Variants in PPP2R5A observed in about 807,000 individuals in gnomAD.
PPP2R5A encodes the protein protein phosphatase 2 regulatory subunit B'alpha, also known as serine/threonine-protein phosphatase 2A 56 kDa regulatory subunit alpha isoform.
PPP2R5A carries 25 observed loss-of-function variants against 64.2 expected under a neutral mutation model. The observed-to-expected ratio is 0.39, with a 90% CI of 0.28 to 0.54. The LOEUF (loss-of-function observed/expected upper bound fraction) is 0.54. Among genes scored for constraint, PPP2R5A ranks in the 20% least tolerant of loss-of-function variants. The pLI, the probability that PPP2R5A is intolerant of heterozygous loss-of-function variation, is 0.67. For missense variants in PPP2R5A, 425 were observed against 576.3 expected (o/e 0.74, Z 2.69); for synonymous variants, 198 against 201.2 (o/e 0.98, Z 0.13).
chr1:212,330,354 A>C (rs527806516), intron 2 of PPP2R5A, among the ~76,000 whole-genome samples: 43 of 151,854 alleles, frequency 2.8e-4, no homozygotes, highest in African/African-American at 9.7e-4. Context: ...CATAGCAAGG[A>C]CCCATCTCTA....
In PPP2R5A at chr1:212,296,309, T is replaced by C. The variant is rs1463277125; in HGVS notation, c.181+10018T>C. Among the ~76,000 whole-genome samples, 9 of 152,314 alleles carry C rather than the reference T, an allele frequency of 5.9e-5. No homozygotes were observed. In the South Asian group the frequency reaches 1.9e-3, roughly 32 times the overall value. On this transcript the variant is annotated intron_variant, in intron 1 of 12. Coordinates refer to ENST00000261461, the MANE Select transcript of PPP2R5A (RefSeq NM_006243.4). ...GAGATGCCATTTAGAAACCCAGTTA[T>C]AAATATCAAATAGATCACTGCATAT...
intron 1 of PPP2R5A, chr1:212,309,043 T>C: frequency 1.3e-6 from 1 of 765,140 alleles, no homozygotes; most frequent in Non-Finnish European, 2.4e-6. Flanking sequence ...CCAGCTAGAC[T>C]CAGTTTAGAT....
At chr1:212,304,191 T>C (rs541665947) in intron 1 of PPP2R5A, among the ~76,000 whole-genome samples, 1 of 152,356 alleles carries the variant, frequency 6.6e-6, no homozygotes, top group South Asian at 2.1e-4. Context: ...ACACATTAGT[T>C]GTTTAAGAAT....
At position 212,352,185 on chromosome 1, in the gene PPP2R5A, G is replaced by A. The variant is rs540686217; in HGVS notation, c.927+2943G>A. ...ATAACAGGCGCCCGATACCACGCCC[G>A]GCTAGGTTTTTTTTTGTATTTTTAG... On this transcript the variant is annotated intron_variant, in intron 8 of 12. Coordinates refer to ENST00000261461, the MANE Select transcript of PPP2R5A (RefSeq NM_006243.4). Among the ~76,000 whole-genome samples the A allele has an allele frequency of 4.1e-4, 62 of 151,038 alleles. 3 individuals are homozygous for A. In the South Asian group the frequency reaches 0.013, roughly 31 times the overall value.
intron 1 of PPP2R5A, among the ~76,000 whole-genome samples, chr1:212,312,392 T>C (rs1659055909): frequency 6.6e-6 from 1 of 152,222 alleles, no homozygotes; most frequent in Non-Finnish European, 1.5e-5. Context: ...TTCATAGATA[T>C]TCCTGAATAG....
intron 1 of PPP2R5A, among the ~76,000 whole-genome samples, chr1:212,305,480 G>A (rs12130984): frequency 2.0e-5 from 3 of 151,992 alleles, no homozygotes; most frequent in Non-Finnish European, 4.4e-5. Context: ...GTGTGCTTGA[G>A]AATATATATT....
intron 1 of PPP2R5A, among the ~76,000 whole-genome samples, chr1:212,325,586 CT>C (rs890175611): frequency 5.3e-5 from 8 of 152,004 alleles, no homozygotes; most frequent in Non-Finnish European, 1.0e-4. Flanking sequence ...TCTTAAAACT[CT>C]TTTAGAACGC....
At chr1:212,309,177 C>T (rs1658977909) in intron 1 of PPP2R5A, 3 of 1,334,930 alleles carry the variant, frequency 2.2e-6, no homozygotes, top group South Asian at 1.2e-5. Flanking sequence ...CATAGAGCTT[C>T]TTCACAGCCT....
At chr1:212,289,358 C>T (rs1658561860) in intron 1 of PPP2R5A, among the ~76,000 whole-genome samples, 1 of 152,110 alleles carries the variant, frequency 6.6e-6, no homozygotes, top group African/African-American at 2.4e-5. Context: ...TTACAAACAT[C>T]CTATTCATTG....
At chr1:212,293,605 A>G (rs1476817236) in intron 1 of PPP2R5A, among the ~76,000 whole-genome samples, 1 of 151,936 alleles carries the variant, frequency 6.6e-6, no homozygotes, top group Non-Finnish European at 1.5e-5. Flanking sequence ...TACCTGAAGG[A>G]TTTTATTTAT....
intron 1 of PPP2R5A, among the ~76,000 whole-genome samples, chr1:212,296,013 G>A (rs148623825): frequency 6.6e-6 from 1 of 152,112 alleles, no homozygotes; most frequent in South Asian, 2.1e-4. Flanking sequence ...AATAAGCCAG[G>A]TAAGACTTTA....
At chr1:212,287,013 G>C (rs574384652) in intron 1 of PPP2R5A, among the ~76,000 whole-genome samples, 1 of 152,322 alleles carries the variant, frequency 6.6e-6, no homozygotes, top group African/African-American at 2.4e-5. Flanking sequence ...GGAGTAGGTA[G>C]TGTTGCTTTG....
chr1:212,326,718 G>A (rs1659413723), intron 1 of PPP2R5A, among the ~76,000 whole-genome samples: 1 of 152,184 alleles, frequency 6.6e-6, no homozygotes, highest in African/African-American at 2.4e-5. Context: ...CCTTCATAAA[G>A]CAGAGAGTCA....
chr1:212,356,533 G>C lies in PPP2R5A; in HGVS notation c.928-93G>C. On this transcript the variant is annotated intron_variant, in intron 8 of 12. Coordinates refer to ENST00000261461, the MANE Select transcript of PPP2R5A (RefSeq NM_006243.4). Reference sequence around the variant, plus strand: ...TATTAAGCAATATTGATTTACTTCAGAATGAGTGTTGATATAATCACAGCT... The same window carrying C: ...TATTAAGCAATATTGATTTACTTCACAATGAGTGTTGATATAATCACAGCT... 3 of 1,164,616 alleles carry C rather than the reference G, an allele frequency of 2.6e-6. No homozygotes were observed. In the South Asian group the frequency reaches 4.6e-5, roughly 18 times the overall value. 72.1% of individuals were successfully genotyped at this position (1,164,616 alleles called of 1,614,324 possible). A position where few individuals can be genotyped will look rare whatever the true frequency, so the allele number is the denominator to read the frequency against.
chr1:212,321,488 G>T (rs1464718657), intron 1 of PPP2R5A, among the ~76,000 whole-genome samples: 1 of 146,306 alleles, frequency 6.8e-6, no homozygotes, highest in Non-Finnish European at 1.5e-5. Flanking sequence ...GCTGCCGGGC[G>T]GAGGGGCTCC....
intron 3 of PPP2R5A, among the ~76,000 whole-genome samples, chr1:212,338,268 A>G (rs1025885950): frequency 6.6e-6 from 1 of 152,284 alleles, no homozygotes; most frequent in Middle Eastern, 3.4e-3. Flanking sequence ...ACACTCCTCA[A>G]TTCCCTATAC....
chr1:212,330,916 C>G (rs1659492142), intron 2 of PPP2R5A, among the ~76,000 whole-genome samples: 1 of 151,856 alleles, frequency 6.6e-6, no homozygotes, highest in Non-Finnish European at 1.5e-5. Flanking sequence ...GCCTGTAACC[C>G]CAGCACTTTG....
chr1:212,352,012 TTATTTTA>T (rs1659893054), intron 8 of PPP2R5A, among the ~76,000 whole-genome samples: 1 of 150,538 alleles, frequency 6.6e-6, no homozygotes, highest in Non-Finnish European at 1.5e-5. Context: ...TATTTTTATT[TTATTTTA>T]TATTTTATTT....
chr1:212,341,073 T>G (rs1286087825), intron 3 of PPP2R5A, among the ~76,000 whole-genome samples: 2 of 152,188 alleles, frequency 1.3e-5, no homozygotes, highest in Non-Finnish European at 2.9e-5. Context: ...TGGGCTAAGT[T>G]TCTGCTTTTT....
Sources: gnomAD v4.1 joint callset for allele counts (sites outside exome capture counted in the v4.1 genomes callset) on GRCh38, gnomAD v4.1.1 for gene constraint, MANE v1.5 for transcripts, NCBI Gene and HGNC (gene_info 2026-07-23, HGNC 2026-07-21) for gene names.